ENOSF1: variants seen among roughly 807,000 people sequenced by gnomAD.
ENOSF1 encodes mitochondrial enolase superfamily member 1.
A neutral mutation model predicts 68.2 loss-of-function variants in ENOSF1; 73 were observed. That is an observed-to-expected ratio of 1.07 (90% CI 0.89 to 1.30). ENOSF1 has a LOEUF of 1.30. ENOSF1 is among the 50% of genes most tolerant of loss of function. ENOSF1 has a pLI of 0.00. For synonymous variants in ENOSF1, 223 were observed against 210.4 expected, an observed-to-expected ratio of 1.06 and a Z score of -0.52; for missense variants, 589 against 554.5, an observed-to-expected ratio of 1.06 and a Z score of -0.62.
intron 10 of ENOSF1, among the ~76,000 whole-genome samples, chr18:684,345 T>C (rs1384398213): frequency 2.6e-5 from 4 of 151,856 alleles, no homozygotes; most frequent in African/African-American, 9.7e-5. Flanking sequence ...CTGGGCAACA[T>C]AGCAAAATCC....
At chr18:675,588 T>G (rs1238828915) in intron 14 of ENOSF1, 186 bp from the exon 15 acceptor site, 1 of 591,804 alleles carries the variant, frequency 1.7e-6, no homozygotes. Flanking sequence ...TTCTAAAATA[T>G]AGCAATGTGA....
At position 712,309 on chromosome 18, in the gene ENOSF1, A is replaced by C; in HGVS notation, c.84+195T>G. 2.7e-5 allele frequency: 40 copies of C among 1,484,452 alleles called. 6 individuals are homozygous for C. The highest frequency in any genetic ancestry group is 1.0e-4 in the East Asian group (4 of 38,612). 92.0% of individuals were successfully genotyped at this position (1,484,452 alleles called of 1,614,324 possible). On this transcript the variant is annotated intron_variant, in intron 1 of 15. Coordinates refer to ENST00000647584, the MANE Select transcript of ENOSF1 (RefSeq NM_017512.7). ...AGTCGGGAAGCTGCCCGGGGCCCGC[A>C]GAGCTGCAGTCGGCGGGGCGGGAGG...
chr18:710,635 C>T (rs2079413513), intron 1 of ENOSF1, among the ~76,000 whole-genome samples: 1 of 152,228 alleles, frequency 6.6e-6, no homozygotes, highest in Admixed American at 6.5e-5. Flanking sequence ...CCTAGGCCTC[C>T]ACTTAGGATT....
intron 8 of ENOSF1, among the ~76,000 whole-genome samples, chr18:689,214 G>C (rs574497847): frequency 3.3e-5 from 5 of 152,102 alleles, no homozygotes; most frequent in Admixed American, 2.6e-4. Context: ...AGAGTCCTGC[G>C]GTCCACAAAA....
At chr18:679,980 C>A (rs1598553498) in intron 11 of ENOSF1, among the ~76,000 whole-genome samples, 2 of 151,758 alleles carry the variant, frequency 1.3e-5, no homozygotes, top group East Asian at 1.9e-4. Flanking sequence ...CCAGCGTTAT[C>A]CCCATTTTAT....
At chr18:675,498 G>T in intron 14 of ENOSF1, 96 bp from the exon 15 acceptor site, 1 of 1,060,640 alleles carries the variant, frequency 9.4e-7, no homozygotes, top group Non-Finnish European at 1.4e-6. Flanking sequence ...CCACTCAATT[G>T]ACAGTGTTGG....
chr18:706,545 C>T lies in ENOSF1; in HGVS notation c.118G>A (p.Val40Ile), dbSNP rs761630686. Residue 40 changes from valine to isoleucine, a missense_variant, in exon 2 of 16, where the codon GTC (valine) becomes ATC (isoleucine). Physicochemically the swap from Val to Ile is conservative, Grantham distance 29. Transcript: ENST00000647584. ...TDPDYSAAYVVIETDAEDGIK... is the reference protein window; with the variant it reads ...TDPDYSAAYVIIETDAEDGIK... ...CCATCTTCTGCATCAGTTTCTATGA[C>T]GACATAGGCAGCCGAGTAGTCAGGG... The T allele has an allele frequency of 2.7e-5, 43 of 1,613,668 alleles. No individual in the cohort carries two copies. The Admixed American group carries it at 3.0e-4, about 11-fold the overall frequency.
intron 7 of ENOSF1, 195 bp downstream of exon 7, chr18:690,873 G>GC: frequency 7.6e-7 from 1 of 1,317,710 alleles, no homozygotes; most frequent in African/African-American, 1.5e-5. Context: ...CTTCCTTTCA[G>GC]CAGTGGCTGA....
intron 1 of ENOSF1, among the ~76,000 whole-genome samples, chr18:710,250 A>G (rs1424499887): frequency 6.6e-6 from 1 of 152,112 alleles, no homozygotes; most frequent in Non-Finnish European, 1.5e-5. Context: ...CTGGGACCAC[A>G]GGTGCATGCA....
In ENOSF1 at chr18:670,534, G is replaced by A. The variant is rs1180546628; in HGVS notation, c.*3771C>T. ...TAGTCTCCCTCAGCTCCGTGCCATC[G>A]CTGCAGAGGCTGTTATGGACATCAC... On this transcript the variant is annotated 3_prime_UTR_variant, in exon 16 of 16. Coordinates refer to ENST00000647584, the MANE Select transcript of ENOSF1 (RefSeq NM_017512.7). 1.0e-5 allele frequency: 7 copies of A among 700,158 alleles called. No individual in the cohort carries two copies. The highest frequency in any genetic ancestry group is 5.3e-5 in the East Asian group (2 of 37,602). 43.4% of individuals were successfully genotyped at this position (700,158 alleles called of 1,614,324 possible). A position where few individuals can be genotyped will look rare whatever the true frequency, so the allele number is the denominator to read the frequency against.
At chr18:667,535 T>C (rs372624945), downstream of ENOSF1, among the ~76,000 whole-genome samples, 13 of 72,044 alleles carry the variant, frequency 1.8e-4, 3 homozygotes, top group African/African-American at 9.2e-4. Context: ...ATGGAGATGG[T>C]GATGGTGATG....
chr18:676,181 T>C (rs1184776397), intron 14 of ENOSF1, among the ~76,000 whole-genome samples: 1 of 152,190 alleles, frequency 6.6e-6, no homozygotes, highest in Non-Finnish European at 1.5e-5. Flanking sequence ...TTCTGAGGCT[T>C]GGGGCAAGTG....
At chr18:705,902 G>C (rs562466258) in intron 2 of ENOSF1, among the ~76,000 whole-genome samples, 2 of 152,004 alleles carry the variant, frequency 1.3e-5, no homozygotes, top group African/African-American at 2.4e-5. Flanking sequence ...CTAGCTTCTC[G>C]GGAGGCTGAG....
At chr18:710,737 T>C (rs1483684865) in intron 1 of ENOSF1, among the ~76,000 whole-genome samples, 1 of 152,210 alleles carries the variant, frequency 6.6e-6, no homozygotes, top group Non-Finnish European at 1.5e-5. Flanking sequence ...TTTACATGTA[T>C]AAAGTGAATA....
intron 7 of ENOSF1, 40 bp downstream of exon 7, chr18:691,028 T>C (rs2077102447): frequency 8.7e-6 from 14 of 1,610,566 alleles, no homozygotes; most frequent in African/African-American, 2.7e-5. Flanking sequence ...AAGTGGACAA[T>C]GTTAGCAAAA....
intron 11 of ENOSF1, among the ~76,000 whole-genome samples, chr18:682,048 C>G (rs2076129532): frequency 6.6e-6 from 1 of 152,158 alleles, no homozygotes; most frequent in Admixed American, 6.5e-5. Flanking sequence ...GGTGTAAGAT[C>G]AACACAAAAT....
At chr18:702,497 C>T (rs1174720260) in intron 2 of ENOSF1, among the ~76,000 whole-genome samples, 1 of 152,014 alleles carries the variant, frequency 6.6e-6, no homozygotes, top group Non-Finnish European at 1.5e-5. Flanking sequence ...ATCGTTTGAA[C>T]CTTGGAGGTG....
At chr18:688,706 T>A in intron 8 of ENOSF1, 98 bp from the exon 9 acceptor site, 1 of 1,091,642 alleles carries the variant, frequency 9.2e-7, no homozygotes, top group Non-Finnish European at 1.4e-6. Flanking sequence ...ATTACGGTTA[T>A]AGCATAGACC....
intron 5 of ENOSF1, 31 bp downstream of exon 5, chr18:693,851 A>C: frequency 6.2e-7 from 1 of 1,612,930 alleles, no homozygotes. Flanking sequence ...TCATTTACAG[A>C]AACAATTGTA....
Sources: allele counts gnomAD v4.1 joint callset (sites outside exome capture counted in the v4.1 genomes callset), GRCh38; gene constraint gnomAD v4.1.1; transcripts MANE v1.5; gene names NCBI Gene and HGNC (gene_info 2026-07-23, HGNC 2026-07-21).